Variants in ZFYVE9 observed in about 807,000 individuals in gnomAD.
ZFYVE9 encodes the protein zinc finger FYVE-type containing 9.
ZFYVE9 carries 43 observed loss-of-function variants against 126.7 expected under a neutral mutation model. The ratio of observed to expected loss-of-function variants is 0.34; its 90% CI spans 0.27 to 0.44. ZFYVE9 has a LOEUF of 0.44. Ranked by LOEUF, ZFYVE9 falls within the 20% of genes least tolerant of loss-of-function variation. The probability of loss-of-function intolerance (pLI) is 1.00; values close to 1 mark genes in which losing one functional copy is unlikely to be tolerated. For missense variants in ZFYVE9, 1,476 were observed against 1,697.0 expected (o/e 0.87, Z 2.29); for synonymous variants, 521 against 597.4 (o/e 0.87, Z 1.87).
At chr1:52,285,798 G>A (rs865793773) in intron 10 of ZFYVE9, among the ~76,000 whole-genome samples, 16 of 152,208 alleles carry the variant, frequency 1.1e-4, no homozygotes, top group African/African-American at 2.9e-4. Context: ...CCCACAGTCC[G>A]TGGAAAAATT....
chr1:52,292,333 A>G lies in ZFYVE9; in HGVS notation c.3026-1120A>G, dbSNP rs1165998075. On this transcript the variant is annotated intron_variant, in intron 10 of 18. Coordinates refer to ENST00000287727, the MANE Select transcript of ZFYVE9 (RefSeq NM_004799.4). ...AAAAAAACAACTTGTCTGTGGTACC[A>G]TCTTCATAAATCCTCATCTTCCCTT... Among the ~76,000 whole-genome samples, 4 of 151,340 alleles carry G rather than the reference A, an allele frequency of 2.6e-5. No homozygotes were observed. In the South Asian group the frequency reaches 8.3e-4, roughly 32 times the overall value.
At chr1:52,167,937 A>G (rs1644528154) in intron 1 of ZFYVE9, among the ~76,000 whole-genome samples, 1 of 152,152 alleles carries the variant, frequency 6.6e-6, no homozygotes, top group African/African-American at 2.4e-5. Context: ...AGGCAAATAA[A>G]TTTAGGATTA....
At chr1:52,267,187 G>A (rs886338651) in intron 6 of ZFYVE9, among the ~76,000 whole-genome samples, 5 of 152,140 alleles carry the variant, frequency 3.3e-5, no homozygotes, top group African/African-American at 1.2e-4. Context: ...TAGGAGTTTA[G>A]TAAGTGATAA....
intron 1 of ZFYVE9, chr1:52,180,522 A>G (rs533484760): frequency 5.5e-6 from 4 of 732,678 alleles, no homozygotes; most frequent in East Asian, 4.9e-5. Context: ...CTCTGTCCCC[A>G]TGAAGAGGGA....
At chr1:52,183,123 G>T (rs1291506798) in intron 1 of ZFYVE9, among the ~76,000 whole-genome samples, 3 of 152,184 alleles carry the variant, frequency 2.0e-5, no homozygotes, top group African/African-American at 7.2e-5. Flanking sequence ...GCAGTAATTA[G>T]AGGGAAATGT....
intron 1 of ZFYVE9, among the ~76,000 whole-genome samples, chr1:52,164,494 A>G (rs951959502): frequency 1.3e-5 from 2 of 152,326 alleles, no homozygotes; most frequent in East Asian, 3.9e-4. Context: ...GATTACAGGC[A>G]GGAGCCACTG....
At chr1:52,233,346 G>T (rs1645242475) in intron 3 of ZFYVE9, 70 bp downstream of exon 3, 2 of 1,133,628 alleles carry the variant, frequency 1.8e-6, no homozygotes, top group African/African-American at 3.2e-5. Flanking sequence ...AGAGGATGTA[G>T]TATTTAAAAA....
chr1:52,216,618 A>C (rs1025830833), intron 2 of ZFYVE9, 144 bp downstream of exon 2: 5 of 394,236 alleles, frequency 1.3e-5, no homozygotes, highest in African/African-American at 1.0e-4. Flanking sequence ...TTTTTCAAAA[A>C]GATTTGACTT....
At chr1:52,275,154 A>G (rs961963682) in intron 8 of ZFYVE9, among the ~76,000 whole-genome samples, 1 of 152,210 alleles carries the variant, frequency 6.6e-6, no homozygotes, top group Non-Finnish European at 1.5e-5. Flanking sequence ...ACATGGATAT[A>G]GTGGATAATG....
At chr1:52,224,910 C>T (rs1645155495) in intron 2 of ZFYVE9, among the ~76,000 whole-genome samples, 1 of 152,146 alleles carries the variant, frequency 6.6e-6, no homozygotes, top group African/African-American at 2.4e-5. Flanking sequence ...CTCTTGTGAG[C>T]ACCCACTTTG....
In ZFYVE9 at chr1:52,255,396, C is replaced by CG. The variant is rs148598046; in HGVS notation, c.2179-8376dup. 9.2e-3 allele frequency among the ~76,000 whole-genome samples: 1,395 copies of CG among 151,560 alleles called. 66 individuals carry two copies. In the East Asian group the frequency reaches 0.12, roughly 13 times the overall value. ...GTCGGGAGTTCAAGACCAGCCTGAC[C>CG]GACCTATGGAGAAACCCTGACTCTA... On this transcript the variant is annotated intron_variant, in intron 4 of 18. Coordinates refer to ENST00000287727, the MANE Select transcript of ZFYVE9 (RefSeq NM_004799.4).
chr1:52,257,672 T>C (rs931604438), intron 4 of ZFYVE9, among the ~76,000 whole-genome samples: 2 of 152,220 alleles, frequency 1.3e-5, no homozygotes, highest in Non-Finnish European at 2.9e-5. Flanking sequence ...ATGAATCATA[T>C]AGTCCTTCCC....
rs773075420 is a variant in ZFYVE9, at chr1:52,238,235, A to G, written c.818A>G (p.Gln273Arg). 1.9e-6 allele frequency: 3 copies of G among 1,614,102 alleles called. No individual in the cohort carries two copies. The highest frequency in any genetic ancestry group is 2.2e-5 in the East Asian group (1 of 44,886). ...SLTVDSVISS[Q>R]GTDGCPAVKK... is the part of the protein sequence containing the mutation. ...ACGGTTGATTCAGTAATCTCATCCC[A>G]GGGAACAGATGGATGTCCTGCTGTT... is the stretch of plus-strand genomic sequence containing the variant. The change falls in exon 4 of 19, where the codon CAG becomes CGG. Residue 273 changes from glutamine (Q) to arginine (R), a missense_variant. This residue lies in a region of ZFYVE9 where 807 missense variants were observed against 794.6 expected (regional missense o/e 1.02). Transcript: ENST00000287727.
intron 7 of ZFYVE9, among the ~76,000 whole-genome samples, chr1:52,270,506 T>A (rs796263514): frequency 6.6e-6 from 1 of 152,176 alleles, no homozygotes; most frequent in South Asian, 2.1e-4. Context: ...CCTCCTGATC[T>A]GCCCTCCTTG....
At chr1:52,204,579 T>G (rs1204000945) in intron 1 of ZFYVE9, among the ~76,000 whole-genome samples, 1 of 151,418 alleles carries the variant, frequency 6.6e-6, no homozygotes, top group South Asian at 2.1e-4. Context: ...ATACAAAAAT[T>G]AGCTGGGCAT....
chr1:52,292,138 T>C (rs796085486), intron 10 of ZFYVE9, among the ~76,000 whole-genome samples: 1 of 151,620 alleles, frequency 6.6e-6, no homozygotes, highest in South Asian at 2.1e-4. Context: ...AAAAATCAGC[T>C]GAGTGTGGTG....
intron 13 of ZFYVE9, among the ~76,000 whole-genome samples, chr1:52,315,800 A>G (rs1646177865): frequency 6.6e-6 from 1 of 152,256 alleles, no homozygotes; most frequent in African/African-American, 2.4e-5. Context: ...ACCTTCAAGT[A>G]AAAGGCAGAG....
rs191828868 is a variant in ZFYVE9 at position 52,158,116 on chromosome 1, T to A, written c.-143+15713T>A. 9.9e-5 allele frequency among the ~76,000 whole-genome samples: 15 copies of A among 152,274 alleles called. No homozygotes were observed. In the East Asian group the frequency reaches 2.9e-3, roughly 29 times the overall value. On this transcript the variant is annotated intron_variant, in intron 1 of 18. Transcript: ENST00000287727. ...CAGCAAGTTTATGCCATCTCCCAGG[T>A]CCCTGCCACAGTGTTAATTCTCATA...
chr1:52,258,706 T>C (rs1459593389), intron 4 of ZFYVE9, among the ~76,000 whole-genome samples: 1 of 152,228 alleles, frequency 6.6e-6, no homozygotes, highest in Non-Finnish European at 1.5e-5. Flanking sequence ...TTATGACCTA[T>C]GAATCTCACT....
Sources: gnomAD v4.1 joint callset for allele counts (sites outside exome capture counted in the v4.1 genomes callset) on GRCh38, gnomAD v4.1.1 for gene constraint, gnomAD v4.1.1 regional missense constraint, MANE v1.5 for transcripts, NCBI Gene and HGNC (gene_info 2026-07-23, HGNC 2026-07-21) for gene names.